The following RHBDD1 variants were observed in gnomAD, a reference collection of about 807,000 sequenced individuals.
RHBDD1 encodes rhomboid-related protein 4.
Under a neutral mutation model 36.3 loss-of-function variants are expected in RHBDD1, and 38 were observed. The ratio of observed to expected loss-of-function variants is 1.05; its 90% CI spans 0.81 to 1.37. RHBDD1 has a LOEUF of 1.37. Among genes scored for constraint, RHBDD1 ranks in the 40% most tolerant of loss-of-function variants. RHBDD1 has a pLI of 0.00. For synonymous variants in RHBDD1, 151 were observed against 136.5 expected (o/e 1.11, Z -0.74); for missense variants, 393 against 377.6 (o/e 1.04, Z -0.34).
intron 3 of RHBDD1, among the ~76,000 whole-genome samples, chr2:226,858,007 G>A (rs1052236108): frequency 1.3e-5 from 2 of 152,146 alleles, no homozygotes; most frequent in Admixed American, 6.5e-5. Flanking sequence ...GCTTGTGGGA[G>A]TTATTTATAT....
intron 3 of RHBDD1, among the ~76,000 whole-genome samples, chr2:226,852,502 C>G (rs960572462): frequency 2.0e-5 from 3 of 152,020 alleles, no homozygotes; most frequent in East Asian, 1.9e-4. Flanking sequence ...CTCTCTTGCT[C>G]TCTTTCTACC....
chr2:226,870,471 G>A (rs977105194), intron 5 of RHBDD1, among the ~76,000 whole-genome samples: 3 of 152,044 alleles, frequency 2.0e-5, no homozygotes, highest in African/African-American at 7.2e-5. Flanking sequence ...CGTCCTGAAT[G>A]ACAGCAGTCT....
At chr2:226,986,716 T>G (rs1214295224) in intron 8 of RHBDD1, among the ~76,000 whole-genome samples, 1 of 152,218 alleles carries the variant, frequency 6.6e-6, no homozygotes, top group African/African-American at 2.4e-5. Context: ...ATGGGAATGC[T>G]TGTACACTGT....
intron 8 of RHBDD1, chr2:226,988,522 T>C (rs1395139929): frequency 6.7e-7 from 1 of 1,502,296 alleles, no homozygotes; most frequent in East Asian, 2.5e-5. Context: ...GGATAGCAGC[T>C]GCCCGCACTG....
At chr2:226,836,331 T>G (rs527796813) in intron 1 of RHBDD1, 1 of 152,404 alleles carries the variant, frequency 6.6e-6, no homozygotes, top group Admixed American at 6.5e-5. Flanking sequence ...TTGTCGAAGT[T>G]GCCGCATCTC....
chr2:226,885,218 A>G (rs551765976), intron 5 of RHBDD1, among the ~76,000 whole-genome samples: 1 of 152,264 alleles, frequency 6.6e-6, no homozygotes, highest in South Asian at 2.1e-4. Context: ...ATTTACATAA[A>G]CTTTTGATGG....
intron 5 of RHBDD1, among the ~76,000 whole-genome samples, chr2:226,893,134 T>A (rs116006991): frequency 6.6e-6 from 1 of 152,304 alleles, no homozygotes; most frequent in African/African-American, 2.4e-5. Flanking sequence ...TTAACAAAGA[T>A]CAATAAGTCA....
At chr2:226,955,492 GAC>G (rs1391424981) in intron 8 of RHBDD1, among the ~76,000 whole-genome samples, 1 of 152,208 alleles carries the variant, frequency 6.6e-6, no homozygotes, top group African/African-American at 2.4e-5. Flanking sequence ...TTGAGAATGG[GAC>G]CACAAAGTCA....
chr2:226,881,514 C>T (rs1434343213), intron 5 of RHBDD1, among the ~76,000 whole-genome samples: 3 of 152,198 alleles, frequency 2.0e-5, no homozygotes, highest in African/African-American at 7.2e-5. Flanking sequence ...TTTACTACCT[C>T]ATCATTCAGA....
the RHBDD1 span, among the ~76,000 whole-genome samples, chr2:226,814,802 A>G: frequency 6.6e-6 from 1 of 152,210 alleles, no homozygotes; most frequent in East Asian, 1.9e-4. Context: ...CCTGAAAGTT[A>G]ATTACTCACA....
At chr2:226,977,092 A>G (rs551632785) in intron 8 of RHBDD1, among the ~76,000 whole-genome samples, 1 of 152,184 alleles carries the variant, frequency 6.6e-6, no homozygotes. Context: ...GCCTGTCTTC[A>G]TGGAAAAAGG....
intron 3 of RHBDD1, among the ~76,000 whole-genome samples, chr2:226,863,126 T>C (rs895455248): frequency 1.3e-5 from 2 of 152,060 alleles, no homozygotes; most frequent in African/African-American, 2.4e-5. Context: ...GGCAGACGGA[T>C]CACCTGAGGT....
intron 8 of RHBDD1, among the ~76,000 whole-genome samples, chr2:226,948,054 A>G (rs1951116996): frequency 6.6e-6 from 1 of 152,172 alleles, no homozygotes; most frequent in South Asian, 2.1e-4. Flanking sequence ...TGACCCAGCC[A>G]TCCCATTACT....
At chr2:226,803,920 G>A in the RHBDD1 span, 4 of 152,172 alleles carry the variant, frequency 2.6e-5, no homozygotes, top group African/African-American at 9.7e-5. Context: ...AAGGTCAAGG[G>A]CAGTCTGAGG....
chr2:226,951,385 T>G (rs1172945133), intron 8 of RHBDD1, among the ~76,000 whole-genome samples: 1 of 152,220 alleles, frequency 6.6e-6, no homozygotes, highest in Non-Finnish European at 1.5e-5. Flanking sequence ...TTCAATAGTT[T>G]AGTTAACTCA....
intron 8 of RHBDD1, among the ~76,000 whole-genome samples, chr2:226,986,833 A>G (rs1957059395): frequency 6.6e-6 from 1 of 152,262 alleles, no homozygotes; most frequent in African/African-American, 2.4e-5. Flanking sequence ...TACTGGGTAT[A>G]TACCCAAAGG....
intron 3 of RHBDD1, among the ~76,000 whole-genome samples, chr2:226,849,723 C>A (rs943725956): frequency 1.3e-5 from 2 of 151,946 alleles, no homozygotes; most frequent in African/African-American, 4.9e-5. Context: ...ATATCTATAT[C>A]TATATAATCT....
chr2:226,950,258 T>A (rs991048568), intron 8 of RHBDD1, among the ~76,000 whole-genome samples: 1 of 152,228 alleles, frequency 6.6e-6, no homozygotes, highest in African/African-American at 2.4e-5. Flanking sequence ...GTTCAGTTTT[T>A]TAAGATTCCA....
chr2:226,938,490 A>T (rs1272187782), intron 8 of RHBDD1, among the ~76,000 whole-genome samples: 1 of 152,172 alleles, frequency 6.6e-6, no homozygotes, highest in Non-Finnish European at 1.5e-5. Flanking sequence ...AGAATATTAT[A>T]AATACCTCTA....
Sources: allele counts gnomAD v4.1 joint callset (sites outside exome capture counted in the v4.1 genomes callset), GRCh38; gene constraint gnomAD v4.1.1; transcripts MANE v1.5; gene names NCBI Gene and HGNC (gene_info 2026-07-23, HGNC 2026-07-21).